The following LPIN2 variants were observed in gnomAD, a reference collection of about 807,000 sequenced individuals.
The protein encoded by LPIN2 is phosphatidate phosphatase LPIN2.
A neutral mutation model predicts 111.4 loss-of-function variants in LPIN2; 55 were observed. That is an observed-to-expected ratio of 0.49 (90% CI 0.40 to 0.62). The LOEUF (loss-of-function observed/expected upper bound fraction) is 0.62, where lower values mean the gene tolerates loss of function less well. LPIN2 is among the 20% of genes least tolerant of loss of function. The pLI, the probability that LPIN2 is intolerant of heterozygous loss-of-function variation, is 0.00. For missense variants in LPIN2, 992 were observed against 1,112.1 expected (o/e 0.89, Z 1.54); for synonymous variants, 425 against 414.0 (o/e 1.03, Z -0.32).
At chr18:2,965,962 G>C (rs1182703445) in intron 1 of LPIN2, among the ~76,000 whole-genome samples, 1 of 152,078 alleles carries the variant, frequency 6.6e-6, no homozygotes, top group African/African-American at 2.4e-5. Context: ...TTGAGACAGG[G>C]TTTCACTGTG....
chr18:2,924,496 T>A lies in LPIN2; in HGVS notation c.1989A>T (p.Thr663=), dbSNP rs766777819. The A allele has an allele frequency of 1.2e-6, 2 of 1,614,222 alleles. No individual in the cohort carries two copies. Among genetic ancestry groups the A allele is most frequent in the South Asian group, 2.2e-5 (2 of 91,084 alleles). ...AGCGACAGGTGCCTTGATACTGGGTTGTAATACTAAACACAACATCATTTG... is the reference window on the plus strand; with the variant it reads ...AGCGACAGGTGCCTTGATACTGGGTAGTAATACTAAACACAACATCATTTG... ...DGPNDVVFSI[T]TQYQGTCRCA... is the part of the protein sequence containing the mutation. Residue 663 remains threonine (T), a synonymous_variant, in exon 15 of 20, where the codon ACA becomes ACT. Coordinates refer to ENST00000677752, the MANE Select transcript of LPIN2 (RefSeq NM_001375808.2).
chr18:2,971,016 C>A (rs1233942038), intron 1 of LPIN2, among the ~76,000 whole-genome samples: 2 of 152,188 alleles, frequency 1.3e-5, no homozygotes, highest in South Asian at 2.1e-4. Flanking sequence ...ACCCTCTCTC[C>A]GAGTGGCGGC....
intron 1 of LPIN2, among the ~76,000 whole-genome samples, chr18:2,972,548 C>A (rs535182814): frequency 1.4e-4 from 22 of 152,254 alleles, no homozygotes; most frequent in African/African-American, 5.1e-4. Context: ...TTCCTGTGCT[C>A]AATAATGTAC....
intron 1 of LPIN2, among the ~76,000 whole-genome samples, chr18:2,977,646 T>C (rs1435454113): frequency 6.6e-6 from 1 of 152,092 alleles, no homozygotes; most frequent in Non-Finnish European, 1.5e-5. Flanking sequence ...AACAGGAGTA[T>C]ACTCCCAAGA....
In LPIN2 at chr18:2,988,904, T is replaced by C. The variant is rs558717822; in HGVS notation, c.-10+24183A>G. On this transcript the variant is annotated intron_variant, in intron 1 of 19. Coordinates refer to ENST00000677752, the MANE Select transcript of LPIN2 (RefSeq NM_001375808.2). ...TCTCAGGAACAGGGCATTTAGTTTG[T>C]GTAAAAATCTTCAGCCTTTGCAACA... Among the ~76,000 whole-genome samples the C allele has an allele frequency of 4.6e-5, 7 of 152,352 alleles. No individual in the cohort carries two copies. In the East Asian group the frequency reaches 1.3e-3, roughly 29 times the overall value.
intron 1 of LPIN2, among the ~76,000 whole-genome samples, chr18:3,007,172 TTTTA>T (rs1455833405): frequency 6.6e-6 from 1 of 152,134 alleles, no homozygotes; most frequent in Non-Finnish European, 1.5e-5. Context: ...AGTTATTTAT[TTTTA>T]TTTATCTTTT....
Position 2,937,868 on chromosome 18 carries a change from G to A in LPIN2, c.992C>T (p.Ala331Val). The A allele has an allele frequency of 1.9e-6, 3 of 1,614,110 alleles. No individual in the cohort carries two copies. The highest frequency in any genetic ancestry group is 2.5e-6 in the Non-Finnish European group (3 of 1,180,020). Residue 331 changes from alanine to valine, a missense_variant, in exon 7 of 20, where the codon GCC (alanine) becomes GTC (valine). Around this residue, in one of 4 missense-constraint regions of LPIN2, gnomAD observed 709 missense variants for 753.2 expected, o/e 0.94. Coordinates refer to ENST00000677752, the MANE Select transcript of LPIN2 (RefSeq NM_001375808.2). ...VCTIVKPKPRALGTQMSDPTS... is the reference protein window; with the variant it reads ...VCTIVKPKPRVLGTQMSDPTS... ...TGGGTCGCTCATCTGTGTACCCAGG[G>A]CTCTGGGTTTGGGCTTCACTATGGT...
intron 1 of LPIN2, among the ~76,000 whole-genome samples, chr18:2,997,038 G>A (rs541332948): frequency 2.0e-5 from 3 of 151,286 alleles, no homozygotes; most frequent in Non-Finnish European, 4.4e-5. Context: ...CTGGAGTGCG[G>A]TGGCGTGATC....
At position 2,937,870 on chromosome 18, in the gene LPIN2, T is replaced by C; in HGVS notation, c.990A>G (p.Arg330=). 1 of 1,614,114 alleles carries C rather than the reference T, an allele frequency of 6.2e-7. No homozygotes were observed. Among genetic ancestry groups the C allele is most frequent in the Non-Finnish European group, 8.5e-7 (1 of 1,180,018 alleles). The change falls in exon 7 of 20, where the codon AGA becomes AGG. Residue 330 remains arginine (R), a synonymous_variant. Transcript: ENST00000677752. ...TVCTIVKPKP[R]ALGTQMSDPT... ...GGTCGCTCATCTGTGTACCCAGGGC[T>C]CTGGGTTTGGGCTTCACTATGGTAC...
At chr18:3,007,638 C>T (rs998592804) in intron 1 of LPIN2, among the ~76,000 whole-genome samples, 3 of 139,514 alleles carry the variant, frequency 2.2e-5, no homozygotes, top group Admixed American at 6.7e-5. Flanking sequence ...CCAAACATTC[C>T]TTAACTTATG....
At chr18:2,945,952 C>A (rs2077445314) in intron 4 of LPIN2, 1 of 1,401,768 alleles carries the variant, frequency 7.1e-7, no homozygotes, top group Non-Finnish European at 1.0e-6. Context: ...AGAAGTTTTT[C>A]TTCTACAACA....
chr18:2,928,983 A>T (rs1449141148), intron 10 of LPIN2, 82 bp downstream of exon 10: 3 of 923,250 alleles, frequency 3.2e-6, no homozygotes, highest in Non-Finnish European at 5.4e-6. Flanking sequence ...AAGAAGGAAC[A>T]CTTTTATAAG....
chr18:3,005,692 C>G (rs2078504297), intron 1 of LPIN2, among the ~76,000 whole-genome samples: 1 of 150,926 alleles, frequency 6.6e-6, no homozygotes, highest in African/African-American at 2.5e-5. Context: ...CACACACACA[C>G]ACACACACAC....
chr18:2,940,597 ATACT>A lies in LPIN2; in HGVS notation c.698+4_698+7del. ...TTCAAGAAACCAAGAAATTTCAAAG[ATACT>A]TACGTCTCTAAAGGGGACCAATCTC... is the stretch of plus-strand genomic sequence containing the variant. On this transcript the variant is annotated splice_donor_5th_base_variant and intron_variant, in intron 5 of 19. Transcript: ENST00000677752. 1 of 1,559,996 alleles carries A rather than the reference ATACT, an allele frequency of 6.4e-7. No individual in the cohort carries two copies. Among genetic ancestry groups the A allele is most frequent in the South Asian group, 1.1e-5 (1 of 89,730 alleles).
In LPIN2 at chr18:2,919,276, T is replaced by G. The variant is rs1023632683; in HGVS notation, c.*1017A>C. On this transcript the variant is annotated 3_prime_UTR_variant, in exon 20 of 20. Coordinates refer to ENST00000677752, the MANE Select transcript of LPIN2 (RefSeq NM_001375808.2). ...TTGACGCTGCTTCCACGGGCCCGAT[T>G]ACAGGGTGTGATCCCAAAAGCCAAA... is the stretch of plus-strand genomic sequence containing the variant. The G allele has an allele frequency of 6.6e-6, 1 of 152,202 alleles. No homozygotes were observed. Among genetic ancestry groups the G allele is most frequent in the African/African-American group, 2.4e-5 (1 of 41,438 alleles). 9.4% of individuals were successfully genotyped at this position (152,202 alleles called of 1,614,324 possible). A position where few individuals can be genotyped will look rare whatever the true frequency, so the allele number is the denominator to read the frequency against.
intron 1 of LPIN2, among the ~76,000 whole-genome samples, chr18:2,983,804 T>C (rs56395323): frequency 0.064 from 9,816 of 152,218 alleles, 405 homozygotes; most frequent in Non-Finnish European, 0.095. Context: ...GTTTTTTTTT[T>C]CCCACTTTTT....
At position 2,954,512 on chromosome 18, in the gene LPIN2, C is replaced by G. The variant is rs762717936; in HGVS notation, c.280G>C (p.Glu94Gln). 1 of 1,612,914 alleles carries G rather than the reference C, an allele frequency of 6.2e-7. No homozygotes were observed. The highest frequency in any genetic ancestry group is 8.5e-7 in the Non-Finnish European group (1 of 1,178,862). The change falls in exon 3 of 20, where the codon GAA (glutamate) becomes CAA (glutamine). Residue 94 changes from glutamate to glutamine, a missense_variant. Coordinates refer to ENST00000677752, the MANE Select transcript of LPIN2 (RefSeq NM_001375808.2). ...GEAFFVEETE[E>Q]EYEKLPAYLA... ...AACCCATGCAAACTTACATATTCTTCTTCAGTCTCCTCAACAAAGAAAGCT... is the reference window on the plus strand; with the variant it reads ...AACCCATGCAAACTTACATATTCTTGTTCAGTCTCCTCAACAAAGAAAGCT...
intron 1 of LPIN2, among the ~76,000 whole-genome samples, chr18:2,996,592 C>T (rs1192642753): frequency 6.7e-6 from 1 of 148,588 alleles, no homozygotes; most frequent in African/African-American, 2.5e-5. Context: ...ATTCTCCTGC[C>T]TCAGCCTCCC....
At chr18:2,946,078 G>T (rs761483941) in intron 4 of LPIN2, 21 of 1,500,414 alleles carry the variant, frequency 1.4e-5, no homozygotes, top group Non-Finnish European at 1.9e-5. Flanking sequence ...CTTACATGAG[G>T]TCCCAATCTT....
Sources: allele counts gnomAD v4.1 joint callset (sites outside exome capture counted in the v4.1 genomes callset), GRCh38; gene constraint gnomAD v4.1.1; regional missense constraint gnomAD v4.1.1; transcripts MANE v1.5; gene names NCBI Gene and HGNC (gene_info 2026-07-23, HGNC 2026-07-21).